Variants in GPR39 observed in about 807,000 individuals in gnomAD.
GPR39 encodes zinc sensing receptor.
In GPR39, 23 loss-of-function variants were observed where a neutral mutation model predicts 18.4. That is an observed-to-expected ratio of 1.25 (90% CI 0.90 to 1.77). GPR39 has a LOEUF of 1.77. Among genes scored for constraint, GPR39 ranks in the 40% most tolerant of loss-of-function variants. GPR39 has a pLI of 0.00. For missense variants in GPR39, 647 were observed against 602.4 expected (o/e 1.07, Z -0.78); for synonymous variants, 280 against 257.9 (o/e 1.09, Z -0.82).
chr2:132,510,861 CT>C (rs1247544388), intron 1 of GPR39, among the ~76,000 whole-genome samples: 7 of 152,138 alleles, frequency 4.6e-5, no homozygotes, highest in African/African-American at 1.7e-4. Flanking sequence ...CATTTATTTG[CT>C]TACTATCTGT....
At chr2:132,453,993 A>G (rs1489052583) in intron 1 of GPR39, among the ~76,000 whole-genome samples, 1 of 152,208 alleles carries the variant, frequency 6.6e-6, no homozygotes, top group African/African-American at 2.4e-5. Context: ...TGAACTTTAA[A>G]GTAGTTTTTT....
chr2:132,550,107 A>G (rs538332238), intron 1 of GPR39, among the ~76,000 whole-genome samples: 3 of 152,228 alleles, frequency 2.0e-5, no homozygotes, highest in Non-Finnish European at 4.4e-5. Flanking sequence ...AAATCATGGC[A>G]TGATAAAACA....
At chr2:132,530,169 T>C (rs569692956) in intron 1 of GPR39, among the ~76,000 whole-genome samples, 1 of 152,082 alleles carries the variant, frequency 6.6e-6, no homozygotes, top group East Asian at 1.9e-4. Context: ...AAGGACCTGA[T>C]GGAGCTGAAA....
intron 1 of GPR39, among the ~76,000 whole-genome samples, chr2:132,602,969 A>T (rs191026442): frequency 1.3e-5 from 2 of 152,236 alleles, no homozygotes; most frequent in South Asian, 2.1e-4. Flanking sequence ...TATGAAAAAC[A>T]GTATGGAGGT....
intron 1 of GPR39, among the ~76,000 whole-genome samples, chr2:132,454,043 T>C (rs568309581): frequency 1.3e-5 from 2 of 152,236 alleles, no homozygotes; most frequent in East Asian, 3.8e-4. Context: ...TTGATGCAGA[T>C]GGCATTGAAT....
At chr2:132,614,601 A>C (rs920418765) in intron 1 of GPR39, among the ~76,000 whole-genome samples, 1 of 151,264 alleles carries the variant, frequency 6.6e-6, no homozygotes, top group African/African-American at 2.4e-5. Context: ...CCCAGGCTGG[A>C]ATGCAGTGGT....
chr2:132,600,694 A>G (rs924382060), intron 1 of GPR39, among the ~76,000 whole-genome samples: 1 of 152,184 alleles, frequency 6.6e-6, no homozygotes, highest in Admixed American at 6.5e-5. Context: ...AACAATGAGT[A>G]ACAAGATTGA....
chr2:132,565,867 G>A (rs1351046033), intron 1 of GPR39, among the ~76,000 whole-genome samples: 1 of 151,316 alleles, frequency 6.6e-6, no homozygotes, highest in East Asian at 1.9e-4. Context: ...ACATACATGT[G>A]CATGTGTCTT....
chr2:132,553,035 C>T (rs1680077149), intron 1 of GPR39, among the ~76,000 whole-genome samples: 1 of 151,474 alleles, frequency 6.6e-6, no homozygotes, highest in Non-Finnish European at 1.5e-5. Context: ...AAGCAATTCT[C>T]ATGCCTCAGC....
At chr2:132,543,100 C>T (rs562623888) in intron 1 of GPR39, among the ~76,000 whole-genome samples, 4 of 152,230 alleles carry the variant, frequency 2.6e-5, no homozygotes, top group African/African-American at 7.2e-5. Context: ...TCTTGTCTCA[C>T]GACCAGGAAG....
chr2:132,609,839 A>G (rs1262503444), intron 1 of GPR39, among the ~76,000 whole-genome samples: 1 of 152,162 alleles, frequency 6.6e-6, no homozygotes, highest in Non-Finnish European at 1.5e-5. Flanking sequence ...ACCTGGTGTC[A>G]GAGGTACTTC....
At chr2:132,554,403 T>C (rs1372763816) in intron 1 of GPR39, among the ~76,000 whole-genome samples, 1 of 152,196 alleles carries the variant, frequency 6.6e-6, no homozygotes, top group Admixed American at 6.5e-5. Flanking sequence ...ATTATTTGGG[T>C]CATCTCACTT....
At chr2:132,452,409 A>C (rs1680645684) in intron 1 of GPR39, among the ~76,000 whole-genome samples, 1 of 151,650 alleles carries the variant, frequency 6.6e-6, no homozygotes, top group Admixed American at 6.6e-5. Flanking sequence ...AATCCCTTTA[A>C]ATTTCTTATT....
intron 1 of GPR39, among the ~76,000 whole-genome samples, chr2:132,543,533 G>A (rs934792279): frequency 1.3e-5 from 2 of 152,084 alleles, no homozygotes; most frequent in Non-Finnish European, 2.9e-5. Flanking sequence ...AGGAAACCTG[G>A]GTGATCACTG....
At chr2:132,428,675 T>C (rs1457607479) in intron 1 of GPR39, among the ~76,000 whole-genome samples, 1 of 152,166 alleles carries the variant, frequency 6.6e-6, no homozygotes, top group East Asian at 1.9e-4. Flanking sequence ...TGTCCTAACA[T>C]CAGGGTATGA....
At chr2:132,622,932 T>C (rs1681467981) in intron 1 of GPR39, among the ~76,000 whole-genome samples, 1 of 152,068 alleles carries the variant, frequency 6.6e-6, no homozygotes, top group South Asian at 2.1e-4. Flanking sequence ...ACCAACCTGG[T>C]GAAACCCTGT....
intron 1 of GPR39, among the ~76,000 whole-genome samples, chr2:132,477,818 C>T (rs978221024): frequency 3.9e-5 from 6 of 152,086 alleles, no homozygotes; most frequent in Admixed American, 2.6e-4. Context: ...ATATAAATTG[C>T]CTTTCTCTTT....
At position 132,621,958 on chromosome 2, in the gene GPR39, G is replaced by A. The variant is rs182728185; in HGVS notation, c.857-23143G>A. On this transcript the variant is annotated intron_variant, in intron 1 of 1. Coordinates refer to ENST00000329321, the MANE Select transcript of GPR39 (RefSeq NM_001508.3). ...GTCCTGTCACAAATCTCAGGCTGGC[G>A]ATGAGAGGGATATGCATAGAGATGG... 1.3e-3 allele frequency among the ~76,000 whole-genome samples: 192 copies of A among 152,266 alleles called. 1 individual carries two copies. In the Middle Eastern group the frequency reaches 0.017, roughly 13 times the overall value.
chr2:132,467,108 A>G (rs1680940909), intron 1 of GPR39, among the ~76,000 whole-genome samples: 1 of 152,152 alleles, frequency 6.6e-6, no homozygotes, highest in African/African-American at 2.4e-5. Flanking sequence ...ATTTTCTTGG[A>G]CCCCTTTTGG....
Sources: gnomAD v4.1 joint callset for allele counts (sites outside exome capture counted in the v4.1 genomes callset) on GRCh38, gnomAD v4.1.1 for gene constraint, MANE v1.5 for transcripts, NCBI Gene and HGNC (gene_info 2026-07-23, HGNC 2026-07-21) for gene names.